CYRIB: variants seen among roughly 807,000 people sequenced by gnomAD.
CYRIB encodes the protein CYFIP-related Rac1 interactor B.
In CYRIB, 8 loss-of-function variants were observed where a neutral mutation model predicts 44.2. That is an observed-to-expected ratio of 0.18 (90% CI 0.11 to 0.33). The LOEUF is 0.33. Among genes scored for constraint, CYRIB ranks in the 10% least tolerant of loss-of-function variants. CYRIB has a pLI of 1.00. For missense variants in CYRIB, 185 were observed against 382.8 expected (o/e 0.48, Z 4.31); for synonymous variants, 131 against 127.2 (o/e 1.03, Z -0.20).
At chr8:130,004,283 G>A (rs747032076) in intron 1 of CYRIB, among the ~76,000 whole-genome samples, 5 of 151,870 alleles carry the variant, frequency 3.3e-5, no homozygotes, top group Non-Finnish European at 5.9e-5. Context: ...TTTATTTTTT[G>A]TTTAGAGACA....
intron 2 of CYRIB, among the ~76,000 whole-genome samples, chr8:129,965,312 T>C (rs2095429991): frequency 6.6e-6 from 1 of 151,736 alleles, no homozygotes; most frequent in African/African-American, 2.4e-5. Context: ...TAATCAAGCA[T>C]GAGTATGTGT....
rs1373591393 is a variant in CYRIB at position 129,897,363 on chromosome 8, C to CA, written c.-11+5948dup. ...ATGAATTCTACCCTCGAAAACCATA[C>CA]AATCCTTGTATTAAACTGAAATTCA... is the stretch of plus-strand genomic sequence containing the variant. On this transcript the variant is annotated intron_variant, in intron 2 of 11. Transcript: ENST00000519824. 2.6e-5 allele frequency among the ~76,000 whole-genome samples: 4 copies of CA among 152,074 alleles called. No individual in the cohort carries two copies. In the East Asian group the frequency reaches 7.7e-4, roughly 29 times the overall value.
chr8:129,981,178 C>T (rs893260785), intron 1 of CYRIB, among the ~76,000 whole-genome samples: 6 of 152,018 alleles, frequency 3.9e-5, no homozygotes, highest in Admixed American at 2.0e-4. Flanking sequence ...CTGGCTCTGT[C>T]GCTCAGGCTG....
intron 1 of CYRIB, among the ~76,000 whole-genome samples, chr8:129,990,400 A>G (rs1370964898): frequency 6.6e-6 from 1 of 152,174 alleles, no homozygotes; most frequent in Non-Finnish European, 1.5e-5. Flanking sequence ...AATGACTGGT[A>G]TATACGTAAT....
At chr8:129,885,835 G>C (rs1422860376) in intron 2 of CYRIB, among the ~76,000 whole-genome samples, 2 of 151,210 alleles carry the variant, frequency 1.3e-5, no homozygotes, top group Non-Finnish European at 2.9e-5. Flanking sequence ...CCTTTCTCAT[G>C]ATCTCTTAAA....
intron 1 of CYRIB, among the ~76,000 whole-genome samples, chr8:129,998,311 C>T (rs552949576): frequency 6.6e-6 from 1 of 152,088 alleles, no homozygotes; most frequent in African/African-American, 2.4e-5. Context: ...CAGAGGAGGA[C>T]CCTGTTATGA....
chr8:129,903,385 A>C (rs2073380366), intron 1 of CYRIB, 35 bp from the exon 4 acceptor site: 2 of 152,792 alleles, frequency 1.3e-5, no homozygotes, highest in South Asian at 4.1e-4. Flanking sequence ...AGAAAGTCTA[A>C]AACATTATTA....
chr8:129,875,623 C>A (rs2058838856), intron 3 of CYRIB, among the ~76,000 whole-genome samples: 1 of 151,956 alleles, frequency 6.6e-6, no homozygotes, highest in East Asian at 1.9e-4. Flanking sequence ...AAAATAAAAT[C>A]TTATCATATA....
At chr8:129,846,674 G>A in intron 11 of CYRIB, 130 bp downstream of exon 13, 4 of 631,702 alleles carry the variant, frequency 6.3e-6, no homozygotes, top group Non-Finnish European at 1.1e-5. Context: ...AACAAAATAA[G>A]ATCTTCATAT....
intron 5 of CYRIB, among the ~76,000 whole-genome samples, chr8:129,857,440 A>G (rs1386391545): frequency 1.3e-5 from 2 of 152,212 alleles, no homozygotes; most frequent in African/African-American, 4.8e-5. Context: ...GACATACTTG[A>G]GGAACTGCAA....
At chr8:129,960,740 A>G (rs2095203728) in intron 2 of CYRIB, among the ~76,000 whole-genome samples, 2 of 151,068 alleles carry the variant, frequency 1.3e-5, no homozygotes, top group African/African-American at 4.9e-5. Context: ...TCACAAGGTC[A>G]GGAGTTCGAG....
At chr8:129,899,355 T>C (rs1488886420) in intron 2 of CYRIB, among the ~76,000 whole-genome samples, 1 of 152,210 alleles carries the variant, frequency 6.6e-6, no homozygotes, top group African/African-American at 2.4e-5. Context: ...AAGGCTGATT[T>C]ATATAAAATA....
At position 129,881,131 on chromosome 8, in the gene CYRIB, G is replaced by A. The variant is rs184312723; in HGVS notation, c.-10-1660C>T. ...AATTATCACAACTTAGTAGGTTTGC[G>A]GAGGACAAAAAGTGAAAATACGGCA... On this transcript the variant is annotated intron_variant, in intron 2 of 11. Transcript: ENST00000519824. 1.2e-4 allele frequency among the ~76,000 whole-genome samples: 19 copies of A among 152,266 alleles called. No individual in the cohort carries two copies. The East Asian group carries it at 2.5e-3, about 20-fold the overall frequency.
At chr8:129,842,086 C>G in exon 12 of CYRIB, 1 of 1,284,518 alleles carries the variant, frequency 7.8e-7, no homozygotes, top group Non-Finnish European at 1.1e-6. Context: ...AAACTGCATT[C>G]TCAGTCATTG....
chr8:129,901,146 G>A (rs1286376880), intron 2 of CYRIB, among the ~76,000 whole-genome samples: 2 of 152,124 alleles, frequency 1.3e-5, no homozygotes, highest in African/African-American at 2.4e-5. Context: ...GTAGAGATGG[G>A]GTTTCTGTTA....
chr8:129,982,767 T>A (rs1423766439), intron 1 of CYRIB, among the ~76,000 whole-genome samples: 1 of 152,196 alleles, frequency 6.6e-6, no homozygotes, highest in Non-Finnish European at 1.5e-5. Context: ...TGAGCATCAT[T>A]TCCAGCAGAT....
At chr8:129,999,247 G>C (rs374169643) in intron 1 of CYRIB, among the ~76,000 whole-genome samples, 6 of 152,286 alleles carry the variant, frequency 3.9e-5, no homozygotes, top group African/African-American at 1.4e-4. Flanking sequence ...ACACCCTCCA[G>C]GCATGGCCAG....
At chr8:129,985,021 C>T (rs2096399885) in intron 1 of CYRIB, among the ~76,000 whole-genome samples, 1 of 152,150 alleles carries the variant, frequency 6.6e-6, no homozygotes, top group African/African-American at 2.4e-5. Flanking sequence ...TCGCCTGCCT[C>T]GGCCTCCCAA....
At chr8:129,993,275 C>A (rs749474673) in intron 1 of CYRIB, among the ~76,000 whole-genome samples, 1 of 152,070 alleles carries the variant, frequency 6.6e-6, no homozygotes, top group Non-Finnish European at 1.5e-5. Flanking sequence ...TGCCTGTAAT[C>A]CCAGCTACTT....
Sources: gnomAD v4.1 joint callset for allele counts (sites outside exome capture counted in the v4.1 genomes callset) on GRCh38, gnomAD v4.1.1 for gene constraint, MANE v1.5 for transcripts, NCBI Gene and HGNC (gene_info 2026-07-23, HGNC 2026-07-21) for gene names.